Variants in LRRC3B observed in about 807,000 individuals in gnomAD.
LRRC3B encodes the protein leucine-rich repeat-containing protein 3B.
LRRC3B carries 2 observed loss-of-function variants against 12.8 expected under a neutral mutation model. The observed-to-expected ratio is 0.16, with a 90% confidence interval of 0.06 to 0.49. The LOEUF is 0.49. Among genes scored for constraint, LRRC3B ranks in the 20% least tolerant of loss-of-function variants. LRRC3B has a pLI of 0.96. For synonymous variants in LRRC3B, 132 were observed against 122.0 expected (o/e 1.08, Z -0.54); for missense variants, 189 against 319.4 (o/e 0.59, Z 3.11).
chr3:26,672,200 T>C (rs971075162), intron 1 of LRRC3B, among the ~76,000 whole-genome samples: 2 of 152,050 alleles, frequency 1.3e-5, no homozygotes, highest in African/African-American at 4.8e-5. Context: ...AAGCAGAAGA[T>C]ATTAAGAAAA....
At chr3:26,682,276 TTTG>T (rs1699988260) in intron 1 of LRRC3B, among the ~76,000 whole-genome samples, 1 of 152,116 alleles carries the variant, frequency 6.6e-6, no homozygotes, top group Non-Finnish European at 1.5e-5. Flanking sequence ...TCAAGCTCCT[TTTG>T]TTTTTTTTAC....
intron 1 of LRRC3B, among the ~76,000 whole-genome samples, chr3:26,627,056 G>A (rs1045084114): frequency 6.6e-6 from 1 of 152,096 alleles, no homozygotes; most frequent in African/African-American, 2.4e-5. Context: ...TCTGTACTTG[G>A]GGCTCAGAAA....
chr3:26,646,598 TAAA>T (rs529066996), intron 1 of LRRC3B, among the ~76,000 whole-genome samples: 3,701 of 99,648 alleles, frequency 0.037, 302 homozygotes, highest in African/African-American at 0.12. Context: ...GGATAGGAGG[TAAA>T]AAAAAAAAAA....
At chr3:26,649,692 A>G (rs1699224373) in intron 1 of LRRC3B, among the ~76,000 whole-genome samples, 2 of 152,148 alleles carry the variant, frequency 1.3e-5, no homozygotes, top group African/African-American at 2.4e-5. Flanking sequence ...TCATCATGTT[A>G]AAATACCACT....
At chr3:26,705,862 T>C (rs1045498957) in intron 1 of LRRC3B, among the ~76,000 whole-genome samples, 2 of 152,174 alleles carry the variant, frequency 1.3e-5, no homozygotes, top group African/African-American at 4.8e-5. Flanking sequence ...AATGTCAAAC[T>C]GATAATCCCT....
chr3:26,656,848 T>C (rs1699382468), intron 1 of LRRC3B, among the ~76,000 whole-genome samples: 1 of 152,150 alleles, frequency 6.6e-6, no homozygotes, highest in Non-Finnish European at 1.5e-5. Context: ...AAATAAGATG[T>C]GTGGGTATGC....
chr3:26,677,942 G>A (rs1204784640), intron 1 of LRRC3B, among the ~76,000 whole-genome samples: 1 of 152,008 alleles, frequency 6.6e-6, no homozygotes, highest in Non-Finnish European at 1.5e-5. Flanking sequence ...TGGGACTACA[G>A]GCATGTGCCA....
At chr3:26,685,036 C>G (rs1700045571) in intron 1 of LRRC3B, among the ~76,000 whole-genome samples, 1 of 152,136 alleles carries the variant, frequency 6.6e-6, no homozygotes, top group African/African-American at 2.4e-5. Flanking sequence ...TCACTGCAAT[C>G]TCCACCTCCA....
intron 1 of LRRC3B, among the ~76,000 whole-genome samples, chr3:26,629,491 G>A (rs534810659): frequency 1.8e-4 from 28 of 152,256 alleles, no homozygotes; most frequent in Admixed American, 5.2e-4. Flanking sequence ...CATTGTATAG[G>A]CCTGCTACAG....
intron 1 of LRRC3B, among the ~76,000 whole-genome samples, chr3:26,668,406 G>T (rs1422075586): frequency 6.6e-6 from 1 of 152,244 alleles, no homozygotes; most frequent in Middle Eastern, 3.4e-3. Flanking sequence ...GGGATCCATT[G>T]AAGGACTTCA....
exon 2 of LRRC3B, chr3:26,710,605 A>G: frequency 1.4e-6 from 1 of 739,946 alleles, no homozygotes; most frequent in Non-Finnish European, 2.1e-6. Flanking sequence ...AACAAACACT[A>G]CAACATAAAT....
chr3:26,629,592 G>C (rs976787822), intron 1 of LRRC3B, among the ~76,000 whole-genome samples: 2 of 152,316 alleles, frequency 1.3e-5, no homozygotes, highest in Middle Eastern at 3.4e-3. Context: ...GGTCCAGGCT[G>C]CTGATCTTCT....
intron 1 of LRRC3B, among the ~76,000 whole-genome samples, chr3:26,689,083 A>G (rs1413363235): frequency 6.6e-6 from 1 of 152,186 alleles, no homozygotes; most frequent in African/African-American, 2.4e-5. Context: ...GATGTTTCCT[A>G]GACTCCAGGG....
intron 1 of LRRC3B, among the ~76,000 whole-genome samples, chr3:26,698,061 G>T (rs1414892851): frequency 6.6e-6 from 1 of 152,174 alleles, no homozygotes; most frequent in Non-Finnish European, 1.5e-5. Context: ...AAGACAAGGT[G>T]TAAGATGGTG....
chr3:26,691,979 A>G (rs1438171952), intron 1 of LRRC3B, among the ~76,000 whole-genome samples: 1 of 152,198 alleles, frequency 6.6e-6, no homozygotes, highest in African/African-American at 2.4e-5. Context: ...TTTGCAAAAG[A>G]GCTTCTGAGA....
chr3:26,693,365 G>T (rs1314062829), intron 1 of LRRC3B, among the ~76,000 whole-genome samples: 1 of 150,788 alleles, frequency 6.6e-6, no homozygotes, highest in East Asian at 1.9e-4. Context: ...TCAAGAGCAG[G>T]AACATGCAAG....
intron 1 of LRRC3B, among the ~76,000 whole-genome samples, chr3:26,636,412 C>T (rs897030493): frequency 2.6e-5 from 4 of 152,118 alleles, no homozygotes; most frequent in Admixed American, 1.3e-4. Context: ...TACTCCATGG[C>T]TTTTGCCATT....
At chr3:26,671,346 G>GTATATATATATATATATATATATA (rs1186942021) in intron 1 of LRRC3B, among the ~76,000 whole-genome samples, 2 of 56,336 alleles carry the variant, frequency 3.6e-5, no homozygotes, top group African/African-American at 1.1e-4. Context: ...GTGTATATAT[G>GTATATATATATATATATATATATA]TGTGTATATA....
intron 1 of LRRC3B, among the ~76,000 whole-genome samples, chr3:26,685,615 G>GTGTATATATA (rs1395832034): frequency 1.7e-4 from 21 of 120,482 alleles, no homozygotes; most frequent in African/African-American, 6.5e-4. Flanking sequence ...ATGTGTGTGT[G>GTGTATATATA]TATATATATA....
Sources: allele counts gnomAD v4.1 joint callset (sites outside exome capture counted in the v4.1 genomes callset), GRCh38; gene constraint gnomAD v4.1.1; transcripts MANE v1.5; gene names NCBI Gene and HGNC (gene_info 2026-07-23, HGNC 2026-07-21).